CEND1: variants seen among roughly 807,000 people sequenced by gnomAD.
CEND1 encodes the protein cell cycle exit and neuronal differentiation 1.
In CEND1, 1 loss-of-function variant was observed where a neutral mutation model predicts 4.4. The ratio of observed to expected loss-of-function variants is 0.23; its 90% CI spans 0.08 to 1.09. The LOEUF (loss-of-function observed/expected upper bound fraction) is 1.09, where lower values mean the gene tolerates loss of function less well. Among genes scored for constraint, CEND1 ranks in the 50% least tolerant of loss-of-function variants. The pLI is 0.55. For missense variants in CEND1, 213 were observed against 201.2 expected (o/e 1.06, Z -0.35); for synonymous variants, 109 against 93.0 (o/e 1.17, Z -0.99).
At position 787,823 on chromosome 11, in the gene CEND1, A is replaced by C. The variant is rs1446014836; in HGVS notation, c.*304T>G. 12 of 148,818 alleles carry C rather than the reference A, an allele frequency of 8.1e-5. No individual in the cohort carries two copies. Among genetic ancestry groups the C allele is most frequent in the East Asian group, 3.5e-4 (3 of 8,596 alleles). 9.2% of individuals were successfully genotyped at this position (148,818 alleles called of 1,614,324 possible). ...GGGGGCCCAGGATCACCCAGCCGCC[A>C]GGGGTGGGGGGGGCCACACACAGGG... On this transcript the variant is annotated 3_prime_UTR_variant, in exon 2 of 2. Transcript: ENST00000330106.
chr11:789,202 G>C (rs1385085659), intron 1 of CEND1, among the ~76,000 whole-genome samples: 1 of 152,164 alleles, frequency 6.6e-6, no homozygotes, highest in East Asian at 1.9e-4. Context: ...CATCAGGGTG[G>C]GTGGGCCCAC....
Position 788,038 on chromosome 11 carries a change from A to G in CEND1, c.*89T>C. 1 of 1,023,590 alleles carries G rather than the reference A, an allele frequency of 9.8e-7. No individual in the cohort carries two copies. Among genetic ancestry groups the G allele is most frequent in the Non-Finnish European group, 1.4e-6 (1 of 737,616 alleles). The allele number at this position is 1,023,590 out of a possible 1,614,324, so 63.4% of individuals were successfully genotyped here. On this transcript the variant is annotated 3_prime_UTR_variant, in exon 2 of 2. Transcript: ENST00000330106. Reference sequence around the variant, plus strand: ...AGGTGTGTAATGAATGTGCGTGTGTACGAATAGGTAAGGGTGAACTCTGCA... The same window carrying G: ...AGGTGTGTAATGAATGTGCGTGTGTGCGAATAGGTAAGGGTGAACTCTGCA...
Position 787,975 on chromosome 11 carries a change from C to A in CEND1, c.*152G>T. 1.8e-6 allele frequency: 1 copy of A among 556,330 alleles called. No homozygotes were observed. The highest frequency in any genetic ancestry group is 2.8e-6 in the Non-Finnish European group (1 of 352,356). 34.5% of individuals were successfully genotyped at this position (556,330 alleles called of 1,614,324 possible). A position where few individuals can be genotyped will look rare whatever the true frequency, so the allele number is the denominator to read the frequency against. On this transcript the variant is annotated 3_prime_UTR_variant, in exon 2 of 2. Transcript: ENST00000330106. ...CTGGGTCAGCAGGGGTGGGCTCGGG[C>A]GTCCTCTTCACCGTGCGCGTGTGTT...
rs374775586 is a variant in CEND1 at position 788,236 on chromosome 11, C to G, written c.341G>C (p.Arg114Pro). Residue 114 changes from arginine (R) to proline (P), a missense_variant, in exon 2 of 2, where the codon CGA (arginine) becomes CCA (proline). Coordinates refer to ENST00000330106, the MANE Select transcript of CEND1 (RefSeq NM_016564.4). ...DEAASGGPGG[R>P]GPWSCENFNP... The stretch of plus-strand genomic sequence containing the variant: ...GAAGTTCTCACAGGACCAGGGACCT[C>G]GGCCCCCAGGCCCCCCACTGGCAGC... 6.2e-7 allele frequency: 1 copy of G among 1,610,414 alleles called. No individual in the cohort carries two copies. The highest frequency in any genetic ancestry group is 1.1e-5 in the South Asian group (1 of 90,664).
rs1864384690 is a variant in CEND1 at position 788,314 on chromosome 11, G to A, written c.263C>T (p.Pro88Leu). 3 of 1,607,182 alleles carry A rather than the reference G, an allele frequency of 1.9e-6. No individual in the cohort carries two copies. Among genetic ancestry groups the A allele is most frequent in the East Asian group, 2.2e-5 (1 of 44,676 alleles). The change falls in exon 2 of 2, where the codon CCC becomes CTC. Residue 88 changes from proline (P) to leucine (L), a missense_variant. Pro to Leu is a moderately conservative substitution (Grantham distance 98). Transcript: ENST00000330106. ...ACCCTTGGGCTCCGGGGTTGCATCG[G>A]GACTGCTGGGGACCGTGGGGGCTGG... ...LKPAPTVPSS[P>L]DATPEPKGPG... is the part of the protein sequence containing the mutation.
In CEND1 at chr11:788,533, G is replaced by T; in HGVS notation, c.44C>A (p.Thr15Asn). 1 of 1,524,632 alleles carries T rather than the reference G, an allele frequency of 6.6e-7. No individual in the cohort carries two copies. Among genetic ancestry groups the T allele is most frequent in the Non-Finnish European group, 8.8e-7 (1 of 1,137,106 alleles). 94.4% of individuals were successfully genotyped at this position (1,524,632 alleles called of 1,614,324 possible). A position where few individuals can be genotyped will look rare whatever the true frequency, so the allele number is the denominator to read the frequency against. Residue 15 changes from threonine to asparagine, a missense_variant, in exon 2 of 2, where the codon ACC (threonine) becomes AAC (asparagine). By Grantham distance (65) the Thr-to-Asn change is moderately conservative. Coordinates refer to ENST00000330106, the MANE Select transcript of CEND1 (RefSeq NM_016564.4). ...CTCGGTGGTGACCTGGGGCACCTTGGTGTCGGGCTTGGGGCTGCTGGCTGA... is the reference window on the plus strand; with the variant it reads ...CTCGGTGGTGACCTGGGGCACCTTGTTGTCGGGCTTGGGGCTGCTGGCTGA... ...GKSASSPKPD[T>N]KVPQVTTEAK...
At chr11:789,253 A>T (rs568712088) in intron 1 of CEND1, among the ~76,000 whole-genome samples, 1 of 152,224 alleles carries the variant, frequency 6.6e-6, no homozygotes, top group African/African-American at 2.4e-5. Flanking sequence ...CTCTCCAGGA[A>T]GTCAGCGTGG....
Position 788,337 on chromosome 11 carries a change from T to C in CEND1, c.240A>G (p.Pro80=). Residue 80 remains proline, a synonymous_variant, in exon 2 of 2, where the codon CCA becomes CCG. Transcript: ENST00000330106. ...CGGGACTGCTGGGGACCGTGGGGGC[T>C]GGCTTCAGGTTGCTGTGGTTGTTGA... ...ALLNNHSNLK[P]APTVPSSPDA... is the part of the protein sequence containing the mutation. The C allele has an allele frequency of 6.2e-7, 1 of 1,604,632 alleles. No homozygotes were observed. Among genetic ancestry groups the C allele is most frequent in the Non-Finnish European group, 8.5e-7 (1 of 1,173,246 alleles).
chr11:789,919 G>T, intron 1 of CEND1, 111 bp downstream of exon 1: 1 of 153,034 alleles, frequency 6.5e-6, no homozygotes, highest in South Asian at 1.8e-4. Flanking sequence ...TGGAGAACTG[G>T]GGGGCCCGCG....
In CEND1 at chr11:789,259, C is replaced by T. The variant is rs534148590; in HGVS notation, c.-82-601G>A. 1.5e-4 allele frequency among the ~76,000 whole-genome samples: 23 copies of T among 152,256 alleles called. No homozygotes were observed. In the East Asian group the frequency reaches 4.1e-3, roughly 27 times the overall value. On this transcript the variant is annotated intron_variant, in intron 1 of 1. Transcript: ENST00000330106. ...CTGGGGTGTCTCTCCAGGAAGTCAG[C>T]GTGGGGCTGTGCTTCCAAGGGCCGT...
chr11:788,457 C>T lies in CEND1; in HGVS notation c.120G>A (p.Ser40=), dbSNP rs1317454752. The T allele has an allele frequency of 5.7e-6, 9 of 1,571,544 alleles. No homozygotes were observed. The highest frequency in any genetic ancestry group is 2.3e-5 in the East Asian group (1 of 44,310). The change falls in exon 2 of 2, where the codon TCG becomes TCA. Residue 40 remains serine, a synonymous_variant. Coordinates refer to ENST00000330106, the MANE Select transcript of CEND1 (RefSeq NM_016564.4). ...ADGKAPLTKP[S]KKEAPAEKQQ... The stretch of plus-strand genomic sequence containing the variant: ...GCTTCTCGGCCGGGGCCTCCTTCTT[C>T]GAGGGCTTGGTCAAGGGGGCTTTCC...
chr11:789,361 C>T (rs1026485458), intron 1 of CEND1, among the ~76,000 whole-genome samples: 2 of 152,190 alleles, frequency 1.3e-5, no homozygotes, highest in Non-Finnish European at 2.9e-5. Flanking sequence ...AGGGAGTCCT[C>T]GCCCAGCCCA....
chr11:788,638 G>T lies in CEND1; in HGVS notation c.-62C>A. 7.0e-7 allele frequency: 1 copy of T among 1,435,078 alleles called. No homozygotes were observed. The allele number at this position is 1,435,078 out of a possible 1,614,324, so 88.9% of individuals were successfully genotyped here. A position where few individuals can be genotyped will look rare whatever the true frequency, so the allele number is the denominator to read the frequency against. Reference sequence around the variant, plus strand: ...CCAGAGGGGCTCAGGACAGTTTGTCGCCCCTGGGCATTCTATGGGCCTGGA... The same window carrying T: ...CCAGAGGGGCTCAGGACAGTTTGTCTCCCCTGGGCATTCTATGGGCCTGGA... On this transcript the variant is annotated 5_prime_UTR_variant, in exon 2 of 2. Coordinates refer to ENST00000330106, the MANE Select transcript of CEND1 (RefSeq NM_016564.4).
chr11:788,668 G>T lies in CEND1; in HGVS notation c.-82-10C>A. 1 of 1,275,560 alleles carries T rather than the reference G, an allele frequency of 7.8e-7. No homozygotes were observed. The highest frequency in any genetic ancestry group is 1.0e-6 in the Non-Finnish European group (1 of 956,636). 79.0% of individuals were successfully genotyped at this position (1,275,560 alleles called of 1,614,324 possible). A position where few individuals can be genotyped will look rare whatever the true frequency, so the allele number is the denominator to read the frequency against. On this transcript the variant is annotated splice_polypyrimidine_tract_variant and intron_variant, in intron 1 of 1. Transcript: ENST00000330106. ...TGGGCATTCTATGGGCCTGGAGGGA[G>T]ACACAAGGGAGGCTGCGCGCGGGTC...
rs1474306299 is a variant in CEND1 at position 787,527 on chromosome 11, C to T, written c.*600G>A. The T allele has an allele frequency of 6.6e-6, 1 of 152,382 alleles. No homozygotes were observed. Among genetic ancestry groups the T allele is most frequent in the African/African-American group, 2.4e-5 (1 of 41,420 alleles). The allele number at this position is 152,382 out of a possible 1,614,324, so 9.4% of individuals were successfully genotyped here. On this transcript the variant is annotated 3_prime_UTR_variant, in exon 2 of 2. Transcript: ENST00000330106. Reference sequence around the variant, plus strand: ...GGAGCACAAGCTGGGGAAGGCGACCCTTGGGCAGCACCCCCTCCACACGCA... The same window carrying T: ...GGAGCACAAGCTGGGGAAGGCGACCTTTGGGCAGCACCCCCTCCACACGCA...
rs1010004236 is a variant in CEND1, at chr11:788,533, G to A, written c.44C>T (p.Thr15Ile). 3.3e-6 allele frequency: 5 copies of A among 1,524,516 alleles called. No homozygotes were observed. The African/African-American group carries it at 4.2e-5, about 13-fold the overall frequency. The allele number at this position is 1,524,516 out of a possible 1,614,324, so 94.4% of individuals were successfully genotyped here. A position where few individuals can be genotyped will look rare whatever the true frequency, so the allele number is the denominator to read the frequency against. Residue 15 changes from threonine (T) to isoleucine (I), a missense_variant, in exon 2 of 2, where the codon ACC becomes ATC. Transcript: ENST00000330106. ...CTCGGTGGTGACCTGGGGCACCTTG[G>A]TGTCGGGCTTGGGGCTGCTGGCTGA... ...GKSASSPKPD[T>I]KVPQVTTEAK...
intron 1 of CEND1, among the ~76,000 whole-genome samples, chr11:789,633 A>G (rs994932469): frequency 6.6e-6 from 1 of 152,100 alleles, no homozygotes; most frequent in African/African-American, 2.4e-5. Flanking sequence ...CCAGACCTGC[A>G]GAGAAAGGGA....
At position 788,659 on chromosome 11, in the gene CEND1, C is replaced by T. The variant is rs1301075731; in HGVS notation, c.-82-1G>A. On this transcript the variant is annotated splice_acceptor_variant, in intron 1 of 1. Transcript: ENST00000330106. LOFTEE classifies it low-confidence loss of function (5UTR_SPLICE). The stretch of plus-strand genomic sequence containing the variant: ...TGTCGCCCCTGGGCATTCTATGGGC[C>T]TGGAGGGAGACACAAGGGAGGCTGC... 1.5e-6 allele frequency: 2 copies of T among 1,336,012 alleles called. No homozygotes were observed. The highest frequency in any genetic ancestry group is 1.5e-5 in the African/African-American group (1 of 68,854). 82.8% of individuals were successfully genotyped at this position (1,336,012 alleles called of 1,614,324 possible).
intron 1 of CEND1, among the ~76,000 whole-genome samples, chr11:789,751 C>T: frequency 6.6e-6 from 1 of 152,022 alleles, no homozygotes. Context: ...TGCCACCTCC[C>T]AGGGAAGCCC....
Sources: allele counts gnomAD v4.1 joint callset (sites outside exome capture counted in the v4.1 genomes callset), GRCh38; gene constraint gnomAD v4.1.1; transcripts MANE v1.5; gene names NCBI Gene and HGNC (gene_info 2026-07-23, HGNC 2026-07-21).